The following NEBL variants were observed in gnomAD, a reference collection of about 807,000 sequenced individuals.
NEBL encodes nebulette, also known as LIM and SH3 protein 2.
A neutral mutation model predicts 140.2 loss-of-function variants in NEBL; 122 were observed. That is an observed-to-expected ratio of 0.87 (90% CI 0.75 to 1.01). The LOEUF is 1.01. Among genes scored for constraint, NEBL ranks in the 50% least tolerant of loss-of-function variants. NEBL has a pLI of 0.00. For missense variants in NEBL, 1,365 were observed against 1,231.3 expected, an observed-to-expected ratio of 1.11 and a Z score of -1.62; for synonymous variants, 436 against 398.9, an observed-to-expected ratio of 1.09 and a Z score of -1.11.
chr10:20,948,817 G>A (rs2131588158), intron 4 of NEBL, among the ~76,000 whole-genome samples: 1 of 152,296 alleles, frequency 6.6e-6, no homozygotes, highest in African/African-American at 2.4e-5. Context: ...ATATTTGGCA[G>A]GAAAAGACCC....
intron 26 of NEBL, among the ~76,000 whole-genome samples, chr10:20,799,085 T>C (rs1006200568): frequency 6.6e-6 from 1 of 152,244 alleles, no homozygotes. Context: ...AATCATATGA[T>C]AGCCTACACA....
At position 20,999,323 on chromosome 10, in the gene NEBL, G is replaced by T. The variant is rs538186048; in HGVS notation, c.249+20794C>A. On this transcript the variant is annotated intron_variant, in intron 3 of 6. Transcript: ENST00000417816. ...ACAAGAAATACAAGCCAGGCTGGATGCAGTGGCTCACGCCTGTAATCTCAG... is the reference window on the plus strand; with the variant it reads ...ACAAGAAATACAAGCCAGGCTGGATTCAGTGGCTCACGCCTGTAATCTCAG... 1.5e-3 allele frequency among the ~76,000 whole-genome samples: 227 copies of T among 152,348 alleles called. 1 individual carries two copies. The highest frequency in any genetic ancestry group is 5.1e-3 in the African/African-American group (214 of 41,596).
intron 2 of NEBL, among the ~76,000 whole-genome samples, chr10:21,149,502 G>A (rs1233312463): frequency 1.3e-5 from 2 of 152,108 alleles, no homozygotes; most frequent in African/African-American, 4.8e-5. Context: ...TGTTGGCCAG[G>A]CTTGTCTCAA....
At chr10:21,190,137 T>C (rs1841548491) in intron 3 of NEBL, among the ~76,000 whole-genome samples, 1 of 152,142 alleles carries the variant, frequency 6.6e-6, no homozygotes. Flanking sequence ...ACTTGACATA[T>C]TATAGGCACT....
At chr10:20,866,238 T>C (rs1264561407) in intron 7 of NEBL, among the ~76,000 whole-genome samples, 1 of 152,146 alleles carries the variant, frequency 6.6e-6, no homozygotes, top group Non-Finnish European at 1.5e-5. Flanking sequence ...GGAGTTATTA[T>C]TTAACGGGTA....
At chr10:21,180,728 A>C (rs1003169606) in intron 3 of NEBL, among the ~76,000 whole-genome samples, 3 of 152,054 alleles carry the variant, frequency 2.0e-5, no homozygotes, top group Non-Finnish European at 4.4e-5. Flanking sequence ...TTTATCTCCA[A>C]AAAAAGCTCT....
chr10:21,174,426 G>T (rs1841242376), upstream of NEBL: 1 of 152,364 alleles, frequency 6.6e-6, no homozygotes, highest in Non-Finnish European at 1.5e-5. Flanking sequence ...GACAAACACC[G>T]GTGGGGAGAG....
intron 2 of NEBL, among the ~76,000 whole-genome samples, chr10:21,142,684 G>A (rs141384401): frequency 2.6e-5 from 4 of 152,192 alleles, no homozygotes; most frequent in Non-Finnish European, 2.9e-5. Flanking sequence ...CCCCCAGGGC[G>A]GCAGACGGTA....
chr10:21,044,125 G>A (rs922015999), intron 2 of NEBL, among the ~76,000 whole-genome samples: 1 of 152,136 alleles, frequency 6.6e-6, no homozygotes, highest in East Asian at 1.9e-4. Flanking sequence ...GGCAGGGCAC[G>A]ATGGCTCACG....
chr10:21,093,713 T>C (rs1837031171), intron 2 of NEBL, among the ~76,000 whole-genome samples: 2 of 152,242 alleles, frequency 1.3e-5, no homozygotes, highest in South Asian at 4.1e-4. Flanking sequence ...CTTGTTCAGG[T>C]ATATCTAAGC....
intron 2 of NEBL, among the ~76,000 whole-genome samples, chr10:21,100,313 C>T (rs2131988198): frequency 6.6e-6 from 1 of 152,348 alleles, no homozygotes; most frequent in Middle Eastern, 3.4e-3. Context: ...TTTCATCCCA[C>T]TTGCCTTTTC....
At chr10:21,240,907 TAC>T (rs61704937) in intron 3 of NEBL, among the ~76,000 whole-genome samples, 14,043 of 137,064 alleles carry the variant, frequency 0.1, 645 homozygotes, top group African/African-American at 0.13. Flanking sequence ...CACGCACACA[TAC>T]ACACACACAC....
chr10:20,886,688 G>A (rs959945022), intron 4 of NEBL, among the ~76,000 whole-genome samples: 1 of 152,196 alleles, frequency 6.6e-6, no homozygotes, highest in African/African-American at 2.4e-5. Context: ...TACTGGCTGT[G>A]CCACCTTGGC....
At chr10:20,855,521 A>AAAC (rs141742724) in intron 9 of NEBL, among the ~76,000 whole-genome samples, 1,184 of 69,102 alleles carry the variant, frequency 0.017, 11 homozygotes, top group Middle Eastern at 0.067. Context: ...AAAACAAAAC[A>AAAC]AAACAAAAAA....
intron 7 of NEBL, among the ~76,000 whole-genome samples, chr10:20,865,381 A>T (rs1844170206): frequency 6.6e-6 from 1 of 152,162 alleles, no homozygotes; most frequent in Non-Finnish European, 1.5e-5. Context: ...TCCCTATTTT[A>T]CAAATGAGGA....
chr10:20,913,114 T>A (rs1848398304), intron 4 of NEBL, among the ~76,000 whole-genome samples: 1 of 151,938 alleles, frequency 6.6e-6, no homozygotes, highest in African/African-American at 2.4e-5. Context: ...ACATACTGAG[T>A]CTGAAATAGA....
intron 2 of NEBL, among the ~76,000 whole-genome samples, chr10:21,110,420 T>C (rs1837941782): frequency 6.6e-6 from 1 of 152,174 alleles, no homozygotes; most frequent in African/African-American, 2.4e-5. Context: ...AGTTATCAAA[T>C]TTATTGGTAT....
chr10:20,895,835 G>A (rs1847426961), intron 2 of NEBL, among the ~76,000 whole-genome samples: 1 of 152,186 alleles, frequency 6.6e-6, no homozygotes, highest in Admixed American at 6.5e-5. Flanking sequence ...AGACAGAGTA[G>A]TTAATAACAG....
At chr10:20,810,292 T>C (rs1218412406) in intron 24 of NEBL, among the ~76,000 whole-genome samples, 2 of 152,180 alleles carry the variant, frequency 1.3e-5, no homozygotes, top group African/African-American at 4.8e-5. Flanking sequence ...AATGTTTGAT[T>C]ATAGTTTCTG....
Sources: gnomAD v4.1 joint callset for allele counts (sites outside exome capture counted in the v4.1 genomes callset) on GRCh38, gnomAD v4.1.1 for gene constraint, MANE v1.5 for transcripts, NCBI Gene and HGNC (gene_info 2026-07-23, HGNC 2026-07-21) for gene names.